The following MSRA variants were observed in gnomAD, a reference collection of about 807,000 sequenced individuals.
MSRA encodes mitochondrial peptide methionine sulfoxide reductase.
In MSRA, 54 loss-of-function variants were observed where a neutral mutation model predicts 31.3. The ratio of observed to expected loss-of-function variants is 1.73; its 90% CI spans 1.39 to 2.17. The LOEUF is 2.17. MSRA is among the 30% of genes most tolerant of loss of function. The pLI is 0.00. For missense variants in MSRA, 507 were observed against 300.9 expected (o/e 1.69, Z -5.07); for synonymous variants, 169 against 116.5 (o/e 1.45, Z -2.90).
intron 1 of MSRA, among the ~76,000 whole-genome samples, chr8:10,169,701 A>G (rs1399526356): frequency 6.6e-6 from 1 of 152,232 alleles, no homozygotes; most frequent in Non-Finnish European, 1.5e-5. Flanking sequence ...ATTCCCAAGC[A>G]TTTCATTTTG....
chr8:10,189,256 T>C (rs1302259973), intron 1 of MSRA, among the ~76,000 whole-genome samples: 1 of 152,206 alleles, frequency 6.6e-6, no homozygotes, highest in East Asian at 1.9e-4. Context: ...ATAGCTTTTT[T>C]CCTTAGGATT....
intron 1 of MSRA, among the ~76,000 whole-genome samples, chr8:10,177,254 T>C (rs1428233920): frequency 6.6e-6 from 1 of 152,202 alleles, no homozygotes; most frequent in Non-Finnish European, 1.5e-5. Flanking sequence ...TGCTGATTCA[T>C]TGGTGGGGGA....
intron 5 of MSRA, among the ~76,000 whole-genome samples, chr8:10,375,552 T>C (rs1805711670): frequency 6.6e-6 from 1 of 152,210 alleles, no homozygotes; most frequent in South Asian, 2.1e-4. Context: ...GATCAATAGC[T>C]ATCAACCTGT....
intron 1 of MSRA, among the ~76,000 whole-genome samples, chr8:10,123,871 T>G (rs1801302899): frequency 6.6e-6 from 1 of 151,714 alleles, no homozygotes; most frequent in African/African-American, 2.4e-5. Flanking sequence ...TTTTTTTCTT[T>G]CTTCTTCTTT....
At chr8:10,121,746 C>T (rs970567592) in intron 1 of MSRA, among the ~76,000 whole-genome samples, 1 of 151,902 alleles carries the variant, frequency 6.6e-6, no homozygotes, top group Non-Finnish European at 1.5e-5. Flanking sequence ...TCATAGCTTA[C>T]TACGGCTTCA....
intron 3 of MSRA, among the ~76,000 whole-genome samples, chr8:10,272,089 C>A (rs1049017494): frequency 6.6e-6 from 1 of 152,158 alleles, no homozygotes; most frequent in Admixed American, 6.5e-5. Flanking sequence ...GATGCTGGCT[C>A]CCTTCATGCC....
At chr8:10,108,044 C>G (rs866398803) in intron 1 of MSRA, among the ~76,000 whole-genome samples, 1 of 152,066 alleles carries the variant, frequency 6.6e-6, no homozygotes, top group South Asian at 2.1e-4. Flanking sequence ...ATATAGGGGT[C>G]GTTGTCTTCT....
At chr8:10,224,132 C>G (rs1181318647) in intron 2 of MSRA, among the ~76,000 whole-genome samples, 1 of 152,232 alleles carries the variant, frequency 6.6e-6, no homozygotes, top group East Asian at 1.9e-4. Context: ...ATGCGCACAT[C>G]ATAGCTAGGC....
Position 10,072,151 on chromosome 8 carries a change from C to G in MSRA, c.142+17493C>G, listed in dbSNP as rs75436259. 9.7e-3 allele frequency among the ~76,000 whole-genome samples: 1,480 copies of G among 152,178 alleles called. 100 individuals carry two copies. In the East Asian group the frequency reaches 0.18, roughly 18 times the overall value. ...CAAAGGCGCACACATGAGCTTGCAGCAGTGAGAGATACGTATTCCACACAA... is the reference window on the plus strand; with the variant it reads ...CAAAGGCGCACACATGAGCTTGCAGGAGTGAGAGATACGTATTCCACACAA... On this transcript the variant is annotated intron_variant, in intron 1 of 5. Coordinates refer to ENST00000317173, the MANE Select transcript of MSRA (RefSeq NM_012331.5).
chr8:10,320,144 G>C, intron 5 of MSRA, 155 bp downstream of exon 5: 2 of 556,806 alleles, frequency 3.6e-6, no homozygotes, highest in Non-Finnish European at 6.4e-6. Flanking sequence ...TGGAGCCATT[G>C]TGTCTAATAC....
chr8:10,250,315 T>G (rs991541700), intron 3 of MSRA: 4 of 644,884 alleles, frequency 6.2e-6, no homozygotes, highest in Non-Finnish European at 8.4e-6. Flanking sequence ...GGATAAGCAT[T>G]CTGGGTTAAT....
intron 2 of MSRA, among the ~76,000 whole-genome samples, chr8:10,239,269 C>G (rs751114406): frequency 5.9e-5 from 9 of 152,048 alleles, no homozygotes; most frequent in Non-Finnish European, 1.2e-4. Context: ...TCAAGCAATT[C>G]TTCTGCCTCA....
At chr8:10,217,611 G>A (rs1432253995) in intron 2 of MSRA, among the ~76,000 whole-genome samples, 1 of 152,104 alleles carries the variant, frequency 6.6e-6, no homozygotes, top group Admixed American at 6.6e-5. Context: ...ACAGGTCTCA[G>A]TTATGGCTAA....
intron 2 of MSRA, among the ~76,000 whole-genome samples, chr8:10,223,660 A>G (rs1810723059): frequency 1.3e-5 from 2 of 152,324 alleles, no homozygotes; most frequent in South Asian, 4.2e-4. Context: ...TGTCACCAGA[A>G]GCCCAGACAG....
intron 1 of MSRA, among the ~76,000 whole-genome samples, chr8:10,183,548 C>T (rs1806734750): frequency 6.6e-6 from 1 of 151,982 alleles, no homozygotes; most frequent in Non-Finnish European, 1.5e-5. Context: ...GCGGTCAAGG[C>T]AAAAATGGTT....
intron 5 of MSRA, among the ~76,000 whole-genome samples, chr8:10,327,935 A>G (rs1802460823): frequency 6.6e-6 from 1 of 151,704 alleles, no homozygotes. Context: ...CTAGAACAAC[A>G]ACAACAACAA....
intron 3 of MSRA, among the ~76,000 whole-genome samples, chr8:10,258,918 C>A (rs1309776815): frequency 6.6e-6 from 1 of 152,124 alleles, no homozygotes; most frequent in South Asian, 2.1e-4. Flanking sequence ...ACCAGCCTGG[C>A]CAACATGTCG....
At chr8:10,393,869 C>T (rs1217824580) in intron 5 of MSRA, among the ~76,000 whole-genome samples, 2 of 152,160 alleles carry the variant, frequency 1.3e-5, no homozygotes, top group Non-Finnish European at 2.9e-5. Flanking sequence ...AGGCTTTGTG[C>T]ATGTACATGC....
chr8:10,291,383 C>T (rs1404406832), intron 3 of MSRA, among the ~76,000 whole-genome samples: 1 of 149,618 alleles, frequency 6.7e-6, no homozygotes, highest in South Asian at 2.1e-4. Flanking sequence ...GCTTATGTTT[C>T]TCGTCGGACA....
Sources: allele counts gnomAD v4.1 joint callset (sites outside exome capture counted in the v4.1 genomes callset), GRCh38; gene constraint gnomAD v4.1.1; transcripts MANE v1.5; gene names NCBI Gene and HGNC (gene_info 2026-07-23, HGNC 2026-07-21).